ABCC4: variants seen among roughly 807,000 people sequenced by gnomAD.
The protein encoded by ABCC4 is ATP-binding cassette sub-family C member 4.
A neutral mutation model predicts 168.5 loss-of-function variants in ABCC4; 102 were observed. That is an observed-to-expected ratio of 0.61 (90% CI 0.52 to 0.71). ABCC4 has a LOEUF of 0.71. Ranked by LOEUF, ABCC4 falls within the 30% of genes least tolerant of loss-of-function variation. ABCC4 has a pLI of 0.00. For synonymous variants in ABCC4, 617 were observed against 590.7 expected (o/e 1.04, Z -0.65); for missense variants, 1,402 against 1,605.8 (o/e 0.87, Z 2.17).
chr13:95,037,180 A>G (rs1023295869), intron 29 of ABCC4, among the ~76,000 whole-genome samples: 1 of 152,154 alleles, frequency 6.6e-6, no homozygotes, highest in Middle Eastern at 3.2e-3. Flanking sequence ...TGAATCTGCA[A>G]GATTTGAGAC....
intron 11 of ABCC4, among the ~76,000 whole-genome samples, chr13:95,180,747 T>G (rs2037863100): frequency 6.6e-6 from 1 of 152,248 alleles, no homozygotes; most frequent in African/African-American, 2.4e-5. Flanking sequence ...TACATTGTTT[T>G]GTTTTCATTC....
chr13:95,264,995 A>G (rs2040632008), intron 1 of ABCC4, among the ~76,000 whole-genome samples: 1 of 151,160 alleles, frequency 6.6e-6, no homozygotes, highest in Admixed American at 6.6e-5. Flanking sequence ...CAGCCTCCTG[A>G]GTAGCTGGGA....
At chr13:95,300,468 G>A (rs1594469140) in intron 1 of ABCC4, among the ~76,000 whole-genome samples, 1 of 152,134 alleles carries the variant, frequency 6.6e-6, no homozygotes. Flanking sequence ...CAAGAACAGG[G>A]TCCCCATTCA....
Position 95,110,448 on chromosome 13 carries a change from C to G in ABCC4, c.2535+5474G>C, listed in dbSNP as rs541249506. 6.6e-5 allele frequency among the ~76,000 whole-genome samples: 10 copies of G among 152,148 alleles called. No homozygotes were observed. In the South Asian group the frequency reaches 1.9e-3, roughly 28 times the overall value. Reference sequence around the variant, plus strand: ...ATACATCCAGTTGTAAATATAGTCACAAAACACCATATCTCCCCATCAAAT... The same window carrying G: ...ATACATCCAGTTGTAAATATAGTCAGAAAACACCATATCTCCCCATCAAAT... On this transcript the variant is annotated intron_variant, in intron 20 of 30. Transcript: ENST00000645237.
At chr13:95,201,100 T>A (rs1182792759) in intron 8 of ABCC4, among the ~76,000 whole-genome samples, 11 of 152,142 alleles carry the variant, frequency 7.2e-5, no homozygotes, top group African/African-American at 2.7e-4. Context: ...GAGGGGAAAT[T>A]AAGGTTTCCT....
At chr13:95,124,713 GAAAAAAAAAA>G (rs59665124) in intron 19 of ABCC4, among the ~76,000 whole-genome samples, 2 of 59,210 alleles carry the variant, frequency 3.4e-5, no homozygotes, top group African/African-American at 8.1e-5. Context: ...TACTAAAAAC[GAAAAAAAAAA>G]AAAAAAAAAA....
intron 9 of ABCC4, among the ~76,000 whole-genome samples, chr13:95,194,374 C>A (rs1040156928): frequency 1.3e-5 from 2 of 152,156 alleles, no homozygotes; most frequent in Admixed American, 6.5e-5. Context: ...CCCACCCCAA[C>A]CCCGTGGCAA....
intron 27 of ABCC4, among the ~76,000 whole-genome samples, chr13:95,047,980 A>G (rs1401476195): frequency 2.0e-5 from 3 of 152,218 alleles, no homozygotes; most frequent in South Asian, 4.1e-4. Context: ...TACAATGCCT[A>G]TGTAAAAACC....
At chr13:95,228,703 G>T (rs2039536581) in intron 4 of ABCC4, among the ~76,000 whole-genome samples, 1 of 151,612 alleles carries the variant, frequency 6.6e-6, no homozygotes. Context: ...GGCGGAGGTT[G>T]CAGTGAACTA....
chr13:95,248,479 A>G (rs551029013), intron 1 of ABCC4, among the ~76,000 whole-genome samples: 25 of 151,588 alleles, frequency 1.6e-4, no homozygotes, highest in African/African-American at 5.8e-4. Flanking sequence ...GAAAGAACTT[A>G]TTCAAATATT....
rs540789226 is a variant in ABCC4 at position 95,158,642 on chromosome 13, C to A, written c.2455+2547G>T. On this transcript the variant is annotated intron_variant, in intron 19 of 30. Coordinates refer to ENST00000645237, the MANE Select transcript of ABCC4 (RefSeq NM_005845.5). ...GACATGCTTCCCAGTCTTTCTACCCCACTCAAAGAACACTCTGCAATTCAG... is the reference window on the plus strand; with the variant it reads ...GACATGCTTCCCAGTCTTTCTACCCAACTCAAAGAACACTCTGCAATTCAG... Among the ~76,000 whole-genome samples, 3 of 152,300 alleles carry A rather than the reference C, an allele frequency of 2.0e-5. No individual in the cohort carries two copies. In the South Asian group the frequency reaches 6.2e-4, roughly 32 times the overall value.
At chr13:95,224,658 A>G (rs2039404167) in intron 4 of ABCC4, among the ~76,000 whole-genome samples, 2 of 151,696 alleles carry the variant, frequency 1.3e-5, no homozygotes, top group Non-Finnish European at 2.9e-5. Context: ...AATCACTTGA[A>G]CCCGGGAGGC....
chr13:95,229,104 TAA>T (rs1335846682), intron 4 of ABCC4, among the ~76,000 whole-genome samples: 2 of 152,010 alleles, frequency 1.3e-5, no homozygotes, highest in Non-Finnish European at 2.9e-5. Context: ...TACAGAATTC[TAA>T]AAAGAGAACC....
intron 29 of ABCC4, among the ~76,000 whole-genome samples, chr13:95,042,074 G>A (rs949006847): frequency 6.6e-6 from 1 of 152,230 alleles, no homozygotes; most frequent in Admixed American, 6.5e-5. Flanking sequence ...GATCGCCATA[G>A]ATGGAGACAC....
At chr13:95,280,962 G>A (rs1336238491) in intron 1 of ABCC4, among the ~76,000 whole-genome samples, 5 of 151,944 alleles carry the variant, frequency 3.3e-5, no homozygotes, top group Non-Finnish European at 7.4e-5. Context: ...TATTTTAAAG[G>A]GGGAGAAGGA....
At position 95,186,687 on chromosome 13, in the gene ABCC4, A is replaced by G; in HGVS notation, c.1545+14T>C. 1.9e-6 allele frequency: 3 copies of G among 1,607,976 alleles called. No individual in the cohort carries two copies. Among genetic ancestry groups the G allele is most frequent in the Non-Finnish European group, 2.6e-6 (3 of 1,176,284 alleles). On this transcript the variant is annotated intron_variant, in intron 11 of 30. Coordinates refer to ENST00000645237, the MANE Select transcript of ABCC4 (RefSeq NM_005845.5). Reference sequence around the variant, plus strand: ...GGACATTCGAGTACATGAAATCCAAAAGTCATCACTCACCTTTTTCAGAGC... The same window carrying G: ...GGACATTCGAGTACATGAAATCCAAGAGTCATCACTCACCTTTTTCAGAGC...
Position 95,274,280 on chromosome 13 carries a change from G to A in ABCC4, c.75-26527C>T, listed in dbSNP as rs779323239. 1.2e-4 allele frequency among the ~76,000 whole-genome samples: 18 copies of A among 152,186 alleles called. No homozygotes were observed. In the South Asian group the frequency reaches 1.9e-3, roughly 16 times the overall value. On this transcript the variant is annotated intron_variant, in intron 1 of 30. Transcript: ENST00000645237. ...TTTGTGCATACTATGATGTCTTGAC[G>A]TTTTGGAAACCTCTCTGGCTGGGGA...
intron 22 of ABCC4, among the ~76,000 whole-genome samples, chr13:95,074,667 T>C (rs2033839482): frequency 6.6e-6 from 1 of 152,200 alleles, no homozygotes; most frequent in Admixed American, 6.5e-5. Context: ...CATGGTTGAC[T>C]GGTCCAGTTC....
At chr13:95,021,762 C>T in intron 30 of ABCC4, 80 bp from the exon 31 acceptor site, 1 of 945,820 alleles carries the variant, frequency 1.1e-6, no homozygotes, top group East Asian at 2.6e-5. Context: ...ACTTCTGTGT[C>T]TACTTCTTCA....
Sources: allele counts gnomAD v4.1 joint callset (sites outside exome capture counted in the v4.1 genomes callset), GRCh38; gene constraint gnomAD v4.1.1; transcripts MANE v1.5; gene names NCBI Gene and HGNC (gene_info 2026-07-23, HGNC 2026-07-21).